Variants in EPC1 observed in about 807,000 individuals in gnomAD.
EPC1 encodes enhancer of polycomb 1, also known as enhancer of polycomb homolog 1.
A neutral mutation model predicts 98.4 loss-of-function variants in EPC1; 12 were observed. That is an observed-to-expected ratio of 0.12 (90% CI 0.08 to 0.20). EPC1 has a LOEUF of 0.20. EPC1 is among the 10% of genes least tolerant of loss of function. The pLI is 1.00. For synonymous variants in EPC1, 357 were observed against 363.9 expected (o/e 0.98, Z 0.21); for missense variants, 729 against 990.5 (o/e 0.74, Z 3.54).
intron 2 of EPC1, among the ~76,000 whole-genome samples, chr10:32,299,762 C>T (rs1385250558): frequency 6.6e-6 from 1 of 152,034 alleles, no homozygotes; most frequent in Non-Finnish European, 1.5e-5. Context: ...CAAGATGTTG[C>T]CCAATTTTTT....
chr10:32,307,663 G>C (rs555634036), intron 1 of EPC1, among the ~76,000 whole-genome samples: 1 of 152,278 alleles, frequency 6.6e-6, no homozygotes, highest in Non-Finnish European at 1.5e-5. Flanking sequence ...TAAACAGCAA[G>C]TTCTATCTTC....
At chr10:32,368,147 C>A (rs1839652276) in intron 1 of EPC1, among the ~76,000 whole-genome samples, 1 of 152,198 alleles carries the variant, frequency 6.6e-6, no homozygotes, top group Non-Finnish European at 1.5e-5. Flanking sequence ...GGTTAACAGA[C>A]AAATAAAAGA....
chr10:32,293,250 T>C, intron 3 of EPC1, 56 bp from the exon 4 acceptor site: 2 of 1,284,954 alleles, frequency 1.6e-6, no homozygotes, highest in Non-Finnish European at 2.2e-6. Flanking sequence ...GGTTCATAAG[T>C]ATTTACTTCT....
intron 1 of EPC1, among the ~76,000 whole-genome samples, chr10:32,318,933 G>A (rs930900553): frequency 6.6e-6 from 1 of 152,008 alleles, no homozygotes; most frequent in African/African-American, 2.4e-5. Context: ...AACTTGCCTT[G>A]GGAAACAGGT....
At chr10:32,284,614 G>T (rs1836572395) in intron 10 of EPC1, 84 bp downstream of exon 10, 4 of 1,139,170 alleles carry the variant, frequency 3.5e-6, no homozygotes, top group African/African-American at 1.6e-5. Context: ...AGCCATAAAT[G>T]TAACAGACCA....
rs1231518234 is a variant in EPC1 at position 32,367,098 on chromosome 10, C to A, written c.3+11393G>T. Among the ~76,000 whole-genome samples, 11 of 152,290 alleles carry A rather than the reference C, an allele frequency of 7.2e-5. No individual in the cohort carries two copies. In the South Asian group the frequency reaches 2.3e-3, roughly 32 times the overall value. ...GCAACCTCCAGCTGCTGGGTTCAAG[C>A]GATTCTCCTGCCTCAGCCTCCTGAA... is the stretch of plus-strand genomic sequence containing the variant. On this transcript the variant is annotated intron_variant, in intron 1 of 13. Coordinates refer to the EPC1 transcript ENST00000375110.
At chr10:32,305,368 C>G (rs1835815673) in intron 2 of EPC1, among the ~76,000 whole-genome samples, 1 of 152,166 alleles carries the variant, frequency 6.6e-6, no homozygotes, top group Non-Finnish European at 1.5e-5. Flanking sequence ...ACAGAATGAC[C>G]CACAGAGTCT....
At chr10:32,320,463 GCA>G (rs1382955279) in intron 1 of EPC1, among the ~76,000 whole-genome samples, 1 of 152,184 alleles carries the variant, frequency 6.6e-6, no homozygotes, top group African/African-American at 2.4e-5. Context: ...TTTGGGATAT[GCA>G]CAGAGGCAGG....
intron 1 of EPC1, among the ~76,000 whole-genome samples, chr10:32,312,011 G>T (rs1836262403): frequency 6.6e-6 from 1 of 152,246 alleles, no homozygotes; most frequent in South Asian, 2.1e-4. Flanking sequence ...TCAGACTGCA[G>T]TTGGACTGTA....
rs1835876993 is a variant in EPC1, at chr10:32,272,100, T to C, written c.1931A>G (p.Glu644Gly). The change falls in exon 12 of 14, where the codon GAA (glutamate) becomes GGA (glycine). Residue 644 changes from glutamate (E) to glycine (G), a missense_variant. Glu to Gly is a moderately conservative substitution (Grantham distance 98, BLOSUM62 -2). Around this residue, in one of 6 missense-constraint regions of EPC1, gnomAD observed 4 missense variants for 23.3 expected, o/e 0.17. Transcript: ENST00000319778. ...QFAASALVTS[E>G]QLMGFKMKDD... The stretch of plus-strand genomic sequence containing the variant: ...CTTCATCTTGAATCCCATCAGTTGT[T>C]CTGATGTCACCAAAGCAGAAGCAGC... 1 of 1,613,880 alleles carries C rather than the reference T, an allele frequency of 6.2e-7. No homozygotes were observed. Among genetic ancestry groups the C allele is most frequent in the Non-Finnish European group, 8.5e-7 (1 of 1,179,978 alleles).
Position 32,284,850 on chromosome 10 carries a change from G to C in EPC1, c.1592C>G (p.Pro531Arg). 6.2e-7 allele frequency: 1 copy of C among 1,614,108 alleles called. No homozygotes were observed. The highest frequency in any genetic ancestry group is 8.5e-7 in the Non-Finnish European group (1 of 1,180,014). Residue 531 changes from proline to arginine, a missense_variant, in exon 10 of 14, where the codon CCT becomes CGT. Pro to Arg is a moderately radical substitution (Grantham distance 103, BLOSUM62 -2). Coordinates refer to ENST00000319778, the MANE Select transcript of EPC1 (RefSeq NM_001272004.3). ...IKSCRWRHFR[P>R]RTPSLHDSDN... ...ACTGTCATGTAGGGATGGTGTCCGA[G>C]GCCTAAAATGCCGCCATCTACATGA...
chr10:32,296,635 C>A (rs1022468631), intron 2 of EPC1, among the ~76,000 whole-genome samples: 1 of 152,234 alleles, frequency 6.6e-6, no homozygotes, highest in African/African-American at 2.4e-5. Flanking sequence ...AGGGGCCAGG[C>A]GTAGTGGCTC....
rs185451599 is a variant in EPC1 at position 32,281,295 on chromosome 10, C to T, written c.1744+3403G>A. The stretch of plus-strand genomic sequence containing the variant: ...GTGATCTCAGGCAATCTGCCTGCCT[C>T]GGCCTCCCAAAGTGCTGGGATTACA... On this transcript the variant is annotated intron_variant, in intron 10 of 13. Transcript: ENST00000319778. Among the ~76,000 whole-genome samples the T allele has an allele frequency of 2.3e-3, 346 of 152,254 alleles. 1 individual carries two copies. Among genetic ancestry groups the T allele is most frequent in the East Asian group, 6.4e-3 (33 of 5,182 alleles).
rs1029143601 is a variant in EPC1, at chr10:32,371,784, C to T, written c.3+6707G>A. Among the ~76,000 whole-genome samples, 7 of 152,004 alleles carry T rather than the reference C, an allele frequency of 4.6e-5. No individual in the cohort carries two copies. The East Asian group carries it at 1.4e-3, about 29-fold the overall frequency. On this transcript the variant is annotated intron_variant, in intron 1 of 13. Transcript: ENST00000375110. ...TAGCTGGGTGGGGTGGTGCAGTAGT[C>T]CCAGCTACTCGGGGAGGCTGAGGCA...
intron 1 of EPC1, among the ~76,000 whole-genome samples, chr10:32,356,959 C>T (rs890042063): frequency 2.0e-5 from 3 of 151,966 alleles, no homozygotes; most frequent in East Asian, 1.9e-4. Flanking sequence ...CCAGCCTGGG[C>T]GAGGGAGCGA....
At chr10:32,269,737 A>G (rs1835749598) in intron 13 of EPC1, among the ~76,000 whole-genome samples, 1 of 152,260 alleles carries the variant, frequency 6.6e-6, no homozygotes, top group Admixed American at 6.5e-5. Context: ...TCAGAACTAT[A>G]GCTGACAGAT....
intron 1 of EPC1, among the ~76,000 whole-genome samples, chr10:32,309,283 G>C (rs1329640962): frequency 6.6e-6 from 1 of 152,062 alleles, no homozygotes; most frequent in Non-Finnish European, 1.5e-5. Context: ...AGTAGAATTG[G>C]AAAGTTCCTA....
chr10:32,282,925 G>C (rs990746124), intron 10 of EPC1: 5 of 151,874 alleles, frequency 3.3e-5, no homozygotes, highest in East Asian at 3.9e-4. Context: ...AACACTATAA[G>C]TAAGTCTTTA....
In EPC1 at chr10:32,364,001, C is replaced by CCTTTTTTTTTTTTTTTTT. The variant is rs770520611; in HGVS notation, c.3+14489_3+14490insAAAAAAAAAAAAAAAAAG. ...AATAGTATCGTGTCCATCATGTTGG[C>CCTTTTTTTTTTTTTTTTT]ATTTTTTTTTTTTTTTTTTTTTTTT... On this transcript the variant is annotated intron_variant, in intron 1 of 13. Coordinates refer to the EPC1 transcript ENST00000375110. Among the ~76,000 whole-genome samples, 22 of 61,858 alleles carry CCTTTTTTTTTTTTTTTTT rather than the reference C, an allele frequency of 3.6e-4. 9 individuals carry two copies. Among genetic ancestry groups the CCTTTTTTTTTTTTTTTTT allele is most frequent in the African/African-American group, 7.4e-4 (13 of 17,510 alleles). 40.6% of individuals were successfully genotyped at this position (61,858 alleles called of 152,430 possible).
Sources: allele counts gnomAD v4.1 joint callset (sites outside exome capture counted in the v4.1 genomes callset), GRCh38; gene constraint gnomAD v4.1.1; regional missense constraint gnomAD v4.1.1; transcripts MANE v1.5; gene names NCBI Gene and HGNC (gene_info 2026-07-23, HGNC 2026-07-21).